Variants in ZFHX3 observed in about 807,000 individuals in gnomAD.
ZFHX3 encodes the protein zinc finger homeobox 3.
A neutral mutation model predicts 279.1 loss-of-function variants in ZFHX3; 42 were observed. The observed-to-expected ratio is 0.15, with a 90% CI of 0.12 to 0.19. The LOEUF is 0.19. Among genes scored for constraint, ZFHX3 ranks in the 10% least tolerant of loss-of-function variants. ZFHX3 has a pLI of 1.00. For synonymous variants in ZFHX3, 2,293 were observed against 1,957.8 expected, an observed-to-expected ratio of 1.17 and a Z score of -4.52; for missense variants, 4,981 against 4,754.0, an observed-to-expected ratio of 1.05 and a Z score of -1.40.
intron 2 of ZFHX3, among the ~76,000 whole-genome samples, chr16:73,667,769 C>T (rs2052860075): frequency 6.6e-6 from 1 of 152,186 alleles, no homozygotes; most frequent in East Asian, 1.9e-4. Flanking sequence ...AAGGTGGGAA[C>T]TTACTGGAGA....
chr16:73,592,632 A>T (rs2052011196), intron 2 of ZFHX3, among the ~76,000 whole-genome samples: 1 of 152,216 alleles, frequency 6.6e-6, no homozygotes, highest in African/African-American at 2.4e-5. Context: ...TGAATGAAAC[A>T]GATTGACCAT....
In ZFHX3 at chr16:72,796,096, T is replaced by A; in HGVS notation, c.6586A>T (p.Thr2196Ser). 1 of 1,614,116 alleles carries A rather than the reference T, an allele frequency of 6.2e-7. No individual in the cohort carries two copies. Among genetic ancestry groups the A allele is most frequent in the Non-Finnish European group, 8.5e-7 (1 of 1,180,020 alleles). ...QKVIKHWFRN[T>S]LFKERQRNKD... is the part of the protein sequence containing the mutation. ...TTACGCTGCCTCTCTTTGAAGAGAG[T>A]GTTCCTGAACCAGTGCTTGATCACT... The change falls in exon 9 of 10, where the codon ACT becomes TCT. Residue 2196 changes from threonine to serine, a missense_variant. Physicochemically the swap from Thr to Ser is moderately conservative, Grantham distance 58. This residue lies in a region of ZFHX3 where 177 missense variants were observed against 244.2 expected (regional missense o/e 0.72). Transcript: ENST00000268489.
intron 1 of ZFHX3, 83 bp downstream of exon 1, chr16:73,047,669 G>T (rs1369132462): frequency 6.5e-6 from 1 of 152,990 alleles, no homozygotes; most frequent in Non-Finnish European, 1.5e-5. Context: ...CGCCCCAAGA[G>T]AATGGGAAGT....
intron 7 of ZFHX3, among the ~76,000 whole-genome samples, chr16:72,803,460 T>C (rs1221470514): frequency 6.6e-6 from 1 of 152,186 alleles, no homozygotes; most frequent in Admixed American, 6.5e-5. Context: ...ACCAGGGTCA[T>C]GCCAAGTGTG....
intron 2 of ZFHX3, among the ~76,000 whole-genome samples, chr16:73,551,993 A>G (rs1049697411): frequency 2.0e-5 from 3 of 152,190 alleles, no homozygotes; most frequent in African/African-American, 7.2e-5. Context: ...ATTCTAGCAT[A>G]GATGTGTCTG....
intron 5 of ZFHX3, among the ~76,000 whole-genome samples, chr16:73,184,996 T>A (rs889853339): frequency 1.3e-5 from 2 of 151,920 alleles, no homozygotes; most frequent in African/African-American, 4.8e-5. Context: ...TTTTTTTTTT[T>A]TCTGAGACAG....
At chr16:73,797,207 AAAAC>A (rs138037268) in intron 1 of ZFHX3, among the ~76,000 whole-genome samples, 2 of 148,770 alleles carry the variant, frequency 1.3e-5, no homozygotes. Context: ...CTATCTCAAA[AAAAC>A]AAACAAACAA....
chr16:73,388,006 C>T (rs2016935243), intron 3 of ZFHX3, among the ~76,000 whole-genome samples: 1 of 152,038 alleles, frequency 6.6e-6, no homozygotes, highest in African/African-American at 2.4e-5. Flanking sequence ...ATTTCAAATG[C>T]AGGGCACGCT....
intron 1 of ZFHX3, among the ~76,000 whole-genome samples, chr16:73,765,801 G>A (rs764546983): frequency 2.4e-4 from 37 of 152,224 alleles, no homozygotes; most frequent in Non-Finnish European, 3.8e-4. Context: ...CCAAGTAAAG[G>A]TGCTCTATTT....
intron 5 of ZFHX3, among the ~76,000 whole-genome samples, chr16:73,256,578 G>C (rs1484858005): frequency 2.0e-5 from 3 of 152,216 alleles, no homozygotes; most frequent in African/African-American, 7.2e-5. Context: ...CCAGTGATGG[G>C]AGCAGATGGC....
intron 5 of ZFHX3, among the ~76,000 whole-genome samples, chr16:73,224,667 T>G (rs2012536227): frequency 6.6e-6 from 1 of 152,226 alleles, no homozygotes; most frequent in African/African-American, 2.4e-5. Flanking sequence ...ATAGTAGCCA[T>G]GTAGAATTGT....
In ZFHX3 at chr16:73,634,433, A is replaced by AAT. The variant is rs60477881; in HGVS notation, c.-1547+45745_-1547+45746dup. ...GGCAACTCAACCAGTTATTATGTAT[A>AAT]ATATATATATATATATATATATATA... On this transcript the variant is annotated intron_variant, in intron 2 of 17. Transcript: ENST00000641206. Among the ~76,000 whole-genome samples the AAT allele has an allele frequency of 5.5e-3, 331 of 59,882 alleles. 4 individuals are homozygous for AAT. In the South Asian group the frequency reaches 0.06, roughly 11 times the overall value. 39.3% of individuals were successfully genotyped at this position (59,882 alleles called of 152,430 possible). A position where few individuals can be genotyped will look rare whatever the true frequency, so the allele number is the denominator to read the frequency against.
chr16:73,506,602 A>G (rs2019330602), intron 2 of ZFHX3, among the ~76,000 whole-genome samples: 1 of 152,164 alleles, frequency 6.6e-6, no homozygotes, highest in Non-Finnish European at 1.5e-5. Flanking sequence ...CTGGCCAAGA[A>G]CCACAGGGGT....
intron 1 of ZFHX3, among the ~76,000 whole-genome samples, chr16:73,792,907 C>T (rs1329078019): frequency 7.0e-6 from 1 of 142,218 alleles, no homozygotes; most frequent in African/African-American, 2.6e-5. Context: ...GATGTAGCAA[C>T]TTCTGTATGG....
In ZFHX3 at chr16:72,796,097, G is replaced by A. The variant is rs184570514; in HGVS notation, c.6585C>T (p.Asn2195=). 5 of 1,614,208 alleles carry A rather than the reference G, an allele frequency of 3.1e-6. No individual in the cohort carries two copies. The highest frequency in any genetic ancestry group is 4.5e-5 in the East Asian group (2 of 44,872). The change falls in exon 9 of 10, where the codon AAC becomes AAT. Residue 2195 remains asparagine, a synonymous_variant. Coordinates refer to ENST00000268489, the MANE Select transcript of ZFHX3 (RefSeq NM_006885.4). The part of the protein sequence containing the change: ...PQKVIKHWFR[N]TLFKERQRNK... ...TACGCTGCCTCTCTTTGAAGAGAGT[G>A]TTCCTGAACCAGTGCTTGATCACTT...
At chr16:73,351,983 T>C (rs2016250515) in intron 3 of ZFHX3, among the ~76,000 whole-genome samples, 1 of 152,250 alleles carries the variant, frequency 6.6e-6, no homozygotes, top group Non-Finnish European at 1.5e-5. Flanking sequence ...AGAACTTTTA[T>C]ACCATTTCTA....
chr16:73,434,214 T>C (rs190184491), intron 3 of ZFHX3, among the ~76,000 whole-genome samples: 44 of 152,222 alleles, frequency 2.9e-4, no homozygotes, highest in African/African-American at 1.0e-3. Flanking sequence ...TATCATAATA[T>C]TGAAAATATG....
At chr16:72,831,759 C>T (rs528831321) in intron 4 of ZFHX3, among the ~76,000 whole-genome samples, 16 of 152,268 alleles carry the variant, frequency 1.1e-4, no homozygotes, top group African/African-American at 2.2e-4. Flanking sequence ...TTATTGCATT[C>T]GGTCTACCCA....
intron 1 of ZFHX3, among the ~76,000 whole-genome samples, chr16:73,031,865 AG>A (rs1200329336): frequency 6.6e-6 from 1 of 152,132 alleles, no homozygotes; most frequent in Non-Finnish European, 1.5e-5. Context: ...AGAGTGGGGA[AG>A]GGGGGTGAAG....
Sources: allele counts gnomAD v4.1 joint callset (sites outside exome capture counted in the v4.1 genomes callset), GRCh38; gene constraint gnomAD v4.1.1; regional missense constraint gnomAD v4.1.1; transcripts MANE v1.5; gene names NCBI Gene and HGNC (gene_info 2026-07-23, HGNC 2026-07-21).